Variants in DGKI observed in about 807,000 individuals in gnomAD.
The protein encoded by DGKI is DAG kinase iota.
In DGKI, 55 loss-of-function variants were observed where a neutral mutation model predicts 147.5. That is an observed-to-expected ratio of 0.37 (90% CI 0.30 to 0.47). DGKI has a LOEUF of 0.47. Among genes scored for constraint, DGKI ranks in the 20% least tolerant of loss-of-function variants. The probability of loss-of-function intolerance (pLI) is 1.00; values close to 1 mark genes in which losing one functional copy is unlikely to be tolerated. For synonymous variants in DGKI, 469 were observed against 477.1 expected, an observed-to-expected ratio of 0.98 and a Z score of 0.22; for missense variants, 1,007 against 1,323.8, an observed-to-expected ratio of 0.76 and a Z score of 3.71.
intron 23 of DGKI, among the ~76,000 whole-genome samples, chr7:137,484,966 AGAG>A (rs1261080246): frequency 1.3e-5 from 2 of 152,172 alleles, no homozygotes; most frequent in African/African-American, 4.8e-5. Context: ...ATTGACAGGA[AGAG>A]GAGAACAAAG....
chr7:137,409,365 A>G lies in DGKI; in HGVS notation c.2800-1370T>C, dbSNP rs371956859. 4.6e-5 allele frequency among the ~76,000 whole-genome samples: 7 copies of G among 152,326 alleles called. No individual in the cohort carries two copies. The East Asian group carries it at 9.6e-4, about 21-fold the overall frequency. ...AATACAATTCAGTCACTGTGCTCAA[A>G]GCCCTCACAGCCCATGGTGGAGACG... On this transcript the variant is annotated intron_variant, in intron 29 of 32. Transcript: ENST00000614521.
intron 1 of DGKI, among the ~76,000 whole-genome samples, chr7:137,834,366 C>T (rs1798302962): frequency 6.6e-6 from 1 of 152,146 alleles, no homozygotes; most frequent in Non-Finnish European, 1.5e-5. Context: ...TGTAAAAGTG[C>T]ATGATGAAAC....
chr7:137,829,025 C>T (rs538387793), intron 1 of DGKI, among the ~76,000 whole-genome samples: 1 of 152,202 alleles, frequency 6.6e-6, no homozygotes, highest in Non-Finnish European at 1.5e-5. Flanking sequence ...AGCAATAATG[C>T]TCTTCCCATA....
rs116681299 is a variant in DGKI at position 137,754,291 on chromosome 7, G to A, written c.402-64289C>T. On this transcript the variant is annotated intron_variant, in intron 1 of 32. Transcript: ENST00000614521. The stretch of plus-strand genomic sequence containing the variant: ...CCACATCCACCCCCTGTCCCCAGGA[G>A]GTCCTTGTGTCCTCCCCTCCTGTGG... Among the ~76,000 whole-genome samples, 822 of 152,246 alleles carry A rather than the reference G, an allele frequency of 5.4e-3. 11 individuals are homozygous for A. Among genetic ancestry groups the A allele is most frequent in the African/African-American group, 0.018 (764 of 41,550 alleles).
At chr7:137,451,368 T>A (rs1813949125) in intron 27 of DGKI, among the ~76,000 whole-genome samples, 1 of 152,232 alleles carries the variant, frequency 6.6e-6, no homozygotes. Context: ...TATTGGCTAG[T>A]GGCTGCTGCA....
At chr7:137,774,230 A>G (rs967901246) in intron 1 of DGKI, among the ~76,000 whole-genome samples, 1 of 152,216 alleles carries the variant, frequency 6.6e-6, no homozygotes, top group African/African-American at 2.4e-5. Context: ...GCAACATGAA[A>G]AGGTACATTA....
At chr7:137,797,619 T>G (rs1348868149) in intron 1 of DGKI, among the ~76,000 whole-genome samples, 1 of 152,166 alleles carries the variant, frequency 6.6e-6, no homozygotes, top group Non-Finnish European at 1.5e-5. Flanking sequence ...CTACATTGTT[T>G]TAGGATTTCA....
At chr7:137,600,087 C>T (rs564655263) in intron 10 of DGKI, among the ~76,000 whole-genome samples, 182 bp from the exon 11 acceptor site, 1 of 152,126 alleles carries the variant, frequency 6.6e-6, no homozygotes, top group African/African-American at 2.4e-5. Context: ...AGTTTGAGAC[C>T]AGCCTAGGCA....
chr7:137,476,134 T>C (rs575542834), intron 23 of DGKI, among the ~76,000 whole-genome samples: 17 of 152,248 alleles, frequency 1.1e-4, no homozygotes, highest in Non-Finnish European at 2.1e-4. Flanking sequence ...AGGCCAGCTG[T>C]CACGATGTCA....
chr7:137,619,982 GTA>G (rs1771534978), intron 7 of DGKI, 42 bp from the exon 8 acceptor site: 1 of 1,400,310 alleles, frequency 7.1e-7, no homozygotes, highest in African/African-American at 1.4e-5. Flanking sequence ...TGGTCAAAGA[GTA>G]ATGCTGCAGC....
chr7:137,656,410 T>C, intron 4 of DGKI, 56 bp downstream of exon 4: 2 of 1,582,688 alleles, frequency 1.3e-6, no homozygotes, highest in Non-Finnish European at 1.7e-6. Context: ...ACACCGGGCC[T>C]CTGAAGACCA....
chr7:137,674,418 T>C (rs960122213), intron 3 of DGKI, among the ~76,000 whole-genome samples: 9 of 152,200 alleles, frequency 5.9e-5, no homozygotes, highest in African/African-American at 2.2e-4. Context: ...AGGACAGTTT[T>C]AGTTTTACAT....
At chr7:137,591,465 C>G (rs1819613980) in intron 12 of DGKI, among the ~76,000 whole-genome samples, 1 of 152,136 alleles carries the variant, frequency 6.6e-6, no homozygotes, top group Non-Finnish European at 1.5e-5. Flanking sequence ...TATCGCCCCT[C>G]CACAGCTCCT....
At chr7:137,516,062 G>T (rs1816734482) in intron 21 of DGKI, among the ~76,000 whole-genome samples, 1 of 152,060 alleles carries the variant, frequency 6.6e-6, no homozygotes, top group Admixed American at 6.6e-5. Flanking sequence ...CCAAATGGAG[G>T]CCTAATCTCT....
chr7:137,817,907 C>T (rs974479609), intron 1 of DGKI, among the ~76,000 whole-genome samples: 1 of 152,232 alleles, frequency 6.6e-6, no homozygotes, highest in East Asian at 1.9e-4. Flanking sequence ...GGGCTAACAT[C>T]AGACACTATG....
intron 23 of DGKI, 43 bp from the exon 24 acceptor site, chr7:137,469,662 C>T: frequency 6.4e-7 from 1 of 1,572,198 alleles, no homozygotes; most frequent in Non-Finnish European, 8.7e-7. Context: ...ATTTCAATAA[C>T]CTGATGGGCT....
At chr7:137,427,345 A>G (rs1387101163) in intron 28 of DGKI, among the ~76,000 whole-genome samples, 1 of 152,244 alleles carries the variant, frequency 6.6e-6, no homozygotes, top group African/African-American at 2.4e-5. Flanking sequence ...ATGTTCTATG[A>G]AAGCAACGAG....
At chr7:137,435,889 C>G (rs969321604) in intron 28 of DGKI, among the ~76,000 whole-genome samples, 1 of 152,174 alleles carries the variant, frequency 6.6e-6, no homozygotes, top group Non-Finnish European at 1.5e-5. Flanking sequence ...AAATGCTTCT[C>G]TTCCCTCAGC....
intron 28 of DGKI, among the ~76,000 whole-genome samples, chr7:137,428,950 T>C (rs1264959558): frequency 6.6e-6 from 1 of 152,146 alleles, no homozygotes; most frequent in Non-Finnish European, 1.5e-5. Flanking sequence ...GTAGGAAGAA[T>C]CAATATCGTG....
Sources: gnomAD v4.1 joint callset for allele counts (sites outside exome capture counted in the v4.1 genomes callset) on GRCh38, gnomAD v4.1.1 for gene constraint, MANE v1.5 for transcripts, NCBI Gene and HGNC (gene_info 2026-07-23, HGNC 2026-07-21) for gene names.